The following EFCAB5 variants were observed in gnomAD, a reference collection of about 807,000 sequenced individuals.
The protein encoded by EFCAB5 is EF-hand calcium-binding domain-containing protein 5.
In EFCAB5, 131 loss-of-function variants were observed where a neutral mutation model predicts 167.9. That is an observed-to-expected ratio of 0.78 (90% CI 0.68 to 0.90). EFCAB5 has a LOEUF of 0.90. EFCAB5 is among the 40% of genes least tolerant of loss of function. EFCAB5 has a pLI of 0.00. For missense variants in EFCAB5, 1,663 were observed against 1,745.2 expected (o/e 0.95, Z 0.84); for synonymous variants, 574 against 602.8 (o/e 0.95, Z 0.70).
At chr17:30,043,302 G>A (rs2069826187) in intron 8 of EFCAB5, among the ~76,000 whole-genome samples, 1 of 151,880 alleles carries the variant, frequency 6.6e-6, no homozygotes, top group South Asian at 2.1e-4. Flanking sequence ...ACTTACAATG[G>A]TAAAAAATTT....
At chr17:29,973,377 G>C (rs1420980077) in intron 4 of EFCAB5, among the ~76,000 whole-genome samples, 1 of 152,084 alleles carries the variant, frequency 6.6e-6, no homozygotes, top group Non-Finnish European at 1.5e-5. Context: ...TCGCTGTGCT[G>C]AGAAAAGAAA....
chr17:29,950,258 A>G (rs757701808), intron 3 of EFCAB5, among the ~76,000 whole-genome samples: 1 of 151,346 alleles, frequency 6.6e-6, no homozygotes, highest in Non-Finnish European at 1.5e-5. Context: ...CTTCCTTATG[A>G]TATCCTTCCT....
chr17:30,058,169 T>C (rs2070327492), intron 13 of EFCAB5, among the ~76,000 whole-genome samples: 2 of 152,198 alleles, frequency 1.3e-5, no homozygotes, highest in South Asian at 4.1e-4. Flanking sequence ...GAGAAGCAGA[T>C]ATGGATATAT....
chr17:29,968,216 A>G, intron 3 of EFCAB5: 1 of 403,608 alleles, frequency 2.5e-6, no homozygotes, highest in Non-Finnish European at 4.9e-6. Flanking sequence ...TCAGTGTTGT[A>G]GCAGATGAAA....
chr17:30,017,415 T>A (rs1227754993), intron 7 of EFCAB5, among the ~76,000 whole-genome samples: 1 of 152,094 alleles, frequency 6.6e-6, no homozygotes, highest in Non-Finnish European at 1.5e-5. Flanking sequence ...TAGGTGAACA[T>A]CAAAACAGGT....
At chr17:30,047,598 TG>T (rs1207522907) in intron 8 of EFCAB5, among the ~76,000 whole-genome samples, 1 of 152,202 alleles carries the variant, frequency 6.6e-6, no homozygotes, top group Non-Finnish European at 1.5e-5. Context: ...GGATCCAGTT[TG>T]TCTAGGACTC....
At chr17:29,967,875 C>A (rs1288080935) in intron 3 of EFCAB5, among the ~76,000 whole-genome samples, 1 of 150,604 alleles carries the variant, frequency 6.6e-6, no homozygotes, top group Admixed American at 6.6e-5. Flanking sequence ...TTACTCACCA[C>A]ACATTTCCTC....
At chr17:29,988,904 C>A (rs2068349265) in intron 4 of EFCAB5, among the ~76,000 whole-genome samples, 1 of 152,160 alleles carries the variant, frequency 6.6e-6, no homozygotes. Flanking sequence ...ATTAGCAAAT[C>A]TAGAGTCTTC....
intron 3 of EFCAB5, among the ~76,000 whole-genome samples, chr17:29,955,952 T>C (rs2067606775): frequency 6.6e-6 from 1 of 152,194 alleles, no homozygotes; most frequent in Non-Finnish European, 1.5e-5. Flanking sequence ...AGTATGGTAC[T>C]GGTACAAAAG....
chr17:29,971,618 T>A (rs2067956891), intron 4 of EFCAB5, among the ~76,000 whole-genome samples: 1 of 152,216 alleles, frequency 6.6e-6, no homozygotes. Flanking sequence ...TCAACACCTA[T>A]GAAAGTGATA....
At chr17:30,050,859 C>T (rs1363010812) in intron 8 of EFCAB5, among the ~76,000 whole-genome samples, 4 of 152,110 alleles carry the variant, frequency 2.6e-5, no homozygotes, top group African/African-American at 9.7e-5. Flanking sequence ...TTGGATTTAG[C>T]CATCAATAAG....
intron 4 of EFCAB5, among the ~76,000 whole-genome samples, chr17:29,986,637 ATT>A (rs911310972): frequency 6.0e-4 from 35 of 58,068 alleles, no homozygotes; most frequent in Admixed American, 1.2e-3. Flanking sequence ...GAGTATATTC[ATT>A]TTTTTTTTTT....
chr17:30,056,226 G>A (rs930666120), intron 12 of EFCAB5, 70 bp downstream of exon 12: 8 of 1,386,332 alleles, frequency 5.8e-6, no homozygotes, highest in East Asian at 2.4e-5. Flanking sequence ...TGTGGTACTC[G>A]ATGATAAAGA....
intron 13 of EFCAB5, 86 bp from the exon 14 acceptor site, chr17:30,059,459 T>TGGA (rs1163184100): frequency 1.5e-4 from 202 of 1,387,388 alleles, no homozygotes; most frequent in Non-Finnish European, 1.8e-4. Context: ...TAGAAGACGC[T>TGGA]GGACTTTTTT....
Position 30,096,673 on chromosome 17 carries a change from A to ATTTT in EFCAB5, c.4321+3738_4321+3739insTTTT, listed in dbSNP as rs1199862139. On this transcript the variant is annotated intron_variant, in intron 22 of 22. Coordinates refer to ENST00000394835, the MANE Select transcript of EFCAB5 (RefSeq NM_198529.4). Reference sequence around the variant, plus strand: ...AAAGCATATATATATATATATATATATATATTTTTTTTTTTTTTTTTTTTG... The same window carrying ATTTT: ...AAAGCATATATATATATATATATATATTTTTATATTTTTTTTTTTTTTTTTTTTG... Among the ~76,000 whole-genome samples, 111 of 63,504 alleles carry ATTTT rather than the reference A, an allele frequency of 1.7e-3. 4 individuals are homozygous for ATTTT. The highest frequency in any genetic ancestry group is 7.2e-3 in the African/African-American group (97 of 13,396). The allele number at this position is 63,504 out of a possible 152,430, so 41.7% of individuals were successfully genotyped here.
intron 1 of EFCAB5, among the ~76,000 whole-genome samples, chr17:29,931,053 C>T (rs1163847006): frequency 6.6e-6 from 1 of 152,056 alleles, no homozygotes; most frequent in Non-Finnish European, 1.5e-5. Flanking sequence ...ATGGTTTTCT[C>T]AGGGGTAAAT....
chr17:29,945,287 A>G (rs1309156393), intron 3 of EFCAB5, among the ~76,000 whole-genome samples: 1 of 150,916 alleles, frequency 6.6e-6, no homozygotes, highest in Non-Finnish European at 1.5e-5. Flanking sequence ...TGATATATAG[A>G]TGTTAGTTGT....
At chr17:30,064,852 G>A (rs971837484) in intron 14 of EFCAB5, among the ~76,000 whole-genome samples, 4 of 152,150 alleles carry the variant, frequency 2.6e-5, no homozygotes, top group Non-Finnish European at 5.9e-5. Flanking sequence ...GTCCCCATTA[G>A]AATAGCAACA....
chr17:29,950,760 T>C (rs774385254), intron 3 of EFCAB5: 2 of 152,194 alleles, frequency 1.3e-5, no homozygotes, highest in Non-Finnish European at 2.9e-5. Context: ...ATACAAAATA[T>C]GTGTTAATCA....
Sources: allele counts gnomAD v4.1 joint callset (sites outside exome capture counted in the v4.1 genomes callset), GRCh38; gene constraint gnomAD v4.1.1; transcripts MANE v1.5; gene names NCBI Gene and HGNC (gene_info 2026-07-23, HGNC 2026-07-21).